SNTG1: variants seen among roughly 807,000 people sequenced by gnomAD.
SNTG1 encodes syntrophin gamma 1.
SNTG1 carries 39 observed loss-of-function variants against 74.7 expected under a neutral mutation model. The ratio of observed to expected loss-of-function variants is 0.52; its 90% CI spans 0.40 to 0.68. The LOEUF (loss-of-function observed/expected upper bound fraction) is 0.68. Ranked by LOEUF, SNTG1 falls within the 30% of genes least tolerant of loss-of-function variation. The probability of loss-of-function intolerance (pLI) is 0.00; values close to 1 mark genes in which losing one functional copy is unlikely to be tolerated. For missense variants in SNTG1, 685 were observed against 609.5 expected (o/e 1.12, Z -1.30); for synonymous variants, 254 against 217.1 (o/e 1.17, Z -1.49).
At chr8:50,479,238 T>C (rs1025059742) in intron 8 of SNTG1, among the ~76,000 whole-genome samples, 11 of 152,120 alleles carry the variant, frequency 7.2e-5, no homozygotes, top group Admixed American at 3.9e-4. Context: ...TCTGAGAATA[T>C]AATTGGAATT....
At chr8:49,931,698 T>A (rs567089694) in intron 1 of SNTG1, among the ~76,000 whole-genome samples, 1 of 152,226 alleles carries the variant, frequency 6.6e-6, no homozygotes, top group East Asian at 1.9e-4. Context: ...TAGAATTCCA[T>A]CAGCAATGGA....
rs189468643 is a variant in SNTG1 at position 50,624,573 on chromosome 8, G to T, written c.850-32336G>T. Among the ~76,000 whole-genome samples the T allele has an allele frequency of 1.4e-3, 216 of 152,188 alleles. 1 individual carries two copies. Among genetic ancestry groups the T allele is most frequent in the African/African-American group, 5.0e-3 (206 of 41,544 alleles). ...AGTTACCTTGGTAGTACTGCTACTA[G>T]AAATATAATGGTTTTGATTTAAAGT... On this transcript the variant is annotated intron_variant, in intron 13 of 18. Coordinates refer to ENST00000642720, the MANE Select transcript of SNTG1 (RefSeq NM_018967.5).
At chr8:49,934,342 A>G (rs954081836) in intron 1 of SNTG1, among the ~76,000 whole-genome samples, 1 of 151,052 alleles carries the variant, frequency 6.6e-6, no homozygotes, top group African/African-American at 2.4e-5. Context: ...TATCTACTCA[A>G]CCCACCTATC....
intron 13 of SNTG1, among the ~76,000 whole-genome samples, chr8:50,597,372 TATATATACACATATATAC>T (rs2094736625): frequency 1.4e-5 from 1 of 72,848 alleles, no homozygotes; most frequent in Non-Finnish European, 3.3e-5. Flanking sequence ...CATATACATG[TATATATACACATATATAC>T]ATATATACAT....
intron 1 of SNTG1, among the ~76,000 whole-genome samples, chr8:49,926,498 T>C (rs2129350089): frequency 6.6e-6 from 1 of 151,722 alleles, no homozygotes; most frequent in Middle Eastern, 3.5e-3. Flanking sequence ...ATAACTAGAG[T>C]TTTTCAACAA....
intron 2 of SNTG1, among the ~76,000 whole-genome samples, chr8:50,350,971 CT>C (rs2091642079): frequency 6.6e-6 from 1 of 152,188 alleles, no homozygotes; most frequent in South Asian, 2.1e-4. Context: ...TTCTTTCGCT[CT>C]TTGCAATAAA....
chr8:50,089,812 C>G (rs1460578283), intron 1 of SNTG1, among the ~76,000 whole-genome samples: 1 of 152,094 alleles, frequency 6.6e-6, no homozygotes, highest in Non-Finnish European at 1.5e-5. Flanking sequence ...GTCGGTGGGA[C>G]TGTAAACTAG....
chr8:50,178,337 C>T (rs1442522463), intron 2 of SNTG1, among the ~76,000 whole-genome samples: 2 of 150,216 alleles, frequency 1.3e-5, no homozygotes, highest in Non-Finnish European at 2.9e-5. Flanking sequence ...TCTTTTTCTT[C>T]TTCTGGTCTC....
chr8:50,051,673 A>C (rs1016579394), intron 1 of SNTG1, among the ~76,000 whole-genome samples: 3 of 152,058 alleles, frequency 2.0e-5, no homozygotes, highest in Non-Finnish European at 2.9e-5. Context: ...CTCGGCTTAT[A>C]GCTACGTAAC....
At chr8:50,074,443 C>G (rs1432090299) in intron 1 of SNTG1, among the ~76,000 whole-genome samples, 1 of 152,102 alleles carries the variant, frequency 6.6e-6, no homozygotes, top group Non-Finnish European at 1.5e-5. Context: ...TACTAACTTA[C>G]CTAATTTCAA....
In SNTG1 at chr8:49,986,609, A is replaced by C. The variant is rs1469148120; in HGVS notation, c.-103+74378A>C. Among the ~76,000 whole-genome samples the C allele has an allele frequency of 5.3e-5, 8 of 151,916 alleles. No homozygotes were observed. In the East Asian group the frequency reaches 1.5e-3, roughly 29 times the overall value. On this transcript the variant is annotated intron_variant, in intron 1 of 18. Coordinates refer to ENST00000642720, the MANE Select transcript of SNTG1 (RefSeq NM_018967.5). ...GTGGTTCATGCCTGTAATGTGGTTCATGCCTGTAATCCCAGCACTTTTGGA... is the reference window on the plus strand; with the variant it reads ...GTGGTTCATGCCTGTAATGTGGTTCCTGCCTGTAATCCCAGCACTTTTGGA...
chr8:49,948,238 T>G (rs1349050598), intron 1 of SNTG1, among the ~76,000 whole-genome samples: 1 of 152,226 alleles, frequency 6.6e-6, no homozygotes, highest in Non-Finnish European at 1.5e-5. Context: ...GACTGATATT[T>G]TAATTATTTT....
intron 5 of SNTG1, among the ~76,000 whole-genome samples, chr8:50,439,690 A>C (rs1452898286): frequency 6.6e-6 from 1 of 151,096 alleles, no homozygotes; most frequent in African/African-American, 2.4e-5. Context: ...TTAATCACTC[A>C]ATAAATGAGA....
At chr8:50,162,824 G>C (rs1340060397) in intron 1 of SNTG1, among the ~76,000 whole-genome samples, 1 of 152,120 alleles carries the variant, frequency 6.6e-6, no homozygotes, top group Non-Finnish European at 1.5e-5. Flanking sequence ...TGTTCCTGGA[G>C]GTAAACATGC....
chr8:50,775,687 T>C (rs1267343926), intron 18 of SNTG1, among the ~76,000 whole-genome samples: 3 of 151,704 alleles, frequency 2.0e-5, no homozygotes. Flanking sequence ...TGTTTAACTC[T>C]TTTACCAATT....
chr8:50,464,533 AAC>A (rs1282239466), intron 8 of SNTG1, among the ~76,000 whole-genome samples: 118 of 152,256 alleles, frequency 7.8e-4, no homozygotes, highest in East Asian at 3.9e-4. Flanking sequence ...GAACAGTCAG[AAC>A]ACACACATTT....
At chr8:50,065,068 T>C (rs978257714) in intron 1 of SNTG1, among the ~76,000 whole-genome samples, 4 of 152,172 alleles carry the variant, frequency 2.6e-5, no homozygotes, top group South Asian at 4.1e-4. Flanking sequence ...ATAAAGTGAG[T>C]AATTAAATAT....
chr8:50,554,210 G>A (rs1479635418), intron 12 of SNTG1, among the ~76,000 whole-genome samples: 1 of 152,140 alleles, frequency 6.6e-6, no homozygotes, highest in East Asian at 1.9e-4. Context: ...TCCAGTCTAT[G>A]GCTATTTCAA....
chr8:50,575,137 C>T (rs768654346), intron 12 of SNTG1, among the ~76,000 whole-genome samples: 14 of 152,122 alleles, frequency 9.2e-5, no homozygotes, highest in African/African-American at 2.4e-4. Context: ...TCTGTTCAGT[C>T]CTACAGCTAT....
Sources: allele counts gnomAD v4.1 joint callset (sites outside exome capture counted in the v4.1 genomes callset), GRCh38; gene constraint gnomAD v4.1.1; transcripts MANE v1.5; gene names NCBI Gene and HGNC (gene_info 2026-07-23, HGNC 2026-07-21).